The following TMEM168 variants were observed in gnomAD, a reference collection of about 807,000 sequenced individuals.
The protein encoded by TMEM168 is transmembrane protein 168.
In TMEM168, 40 loss-of-function variants were observed where a neutral mutation model predicts 53.2. The ratio of observed to expected loss-of-function variants is 0.75; its 90% CI spans 0.58 to 0.98. The LOEUF is 0.98. TMEM168 is among the 50% of genes least tolerant of loss of function. TMEM168 has a pLI of 0.00. For missense variants in TMEM168, 771 were observed against 828.8 expected (o/e 0.93, Z 0.86); for synonymous variants, 282 against 293.0 (o/e 0.96, Z 0.38).
chr7:112,773,089 C>T (rs1407910895), intron 3 of TMEM168, 34 bp from the exon 4 acceptor site: 1 of 1,550,270 alleles, frequency 6.5e-7, no homozygotes, highest in African/African-American at 1.4e-5. Flanking sequence ...AGTACTCATT[C>T]TATATCACAT....
In TMEM168 at chr7:112,767,570, G is replaced by GT; in HGVS notation, c.1720dup (p.Thr574AsnfsTer5). 6.2e-7 allele frequency: 1 copy of GT among 1,614,062 alleles called. No homozygotes were observed. The highest frequency in any genetic ancestry group is 8.5e-7 in the Non-Finnish European group (1 of 1,179,998). ...CGGGTCAGCTTCTTCAATATCTACT[G>GT]TTTTTATCAACTCTGCTCCTTGCAC... On this transcript the variant is annotated frameshift_variant, in exon 5 of 5. Transcript: ENST00000312814. LOFTEE classifies it high-confidence loss of function.
intron 2 of TMEM168, among the ~76,000 whole-genome samples, chr7:112,780,194 ATAAGT>A (rs1793191752): frequency 6.6e-6 from 1 of 152,244 alleles, no homozygotes; most frequent in African/African-American, 2.4e-5. Context: ...GTGTACACGA[ATAAGT>A]TAATTAACCT....
In TMEM168 at chr7:112,784,904, G is replaced by A. The variant is rs924588990; in HGVS notation, c.-79C>T. On this transcript the variant is annotated 5_prime_UTR_variant, in exon 2 of 5. Coordinates refer to ENST00000312814, the MANE Select transcript of TMEM168 (RefSeq NM_022484.6). ...TTCATCCAGTATATCCAATGTATCC[G>A]CAACTCCTATTTCAACATTTTCTCT... The A allele has an allele frequency of 1.4e-5, 17 of 1,245,284 alleles. No homozygotes were observed. The highest frequency in any genetic ancestry group is 7.6e-5 in the African/African-American group (5 of 65,612). 77.1% of individuals were successfully genotyped at this position (1,245,284 alleles called of 1,614,324 possible). A position where few individuals can be genotyped will look rare whatever the true frequency, so the allele number is the denominator to read the frequency against.
At position 112,787,579 on chromosome 7, in the gene TMEM168, T is replaced by A. The variant is rs182788293; in HGVS notation, c.-129+2581A>T. Among the ~76,000 whole-genome samples the A allele has an allele frequency of 7.4e-3, 1,118 of 152,006 alleles. 11 individuals are homozygous for A. The highest frequency in any genetic ancestry group is 0.026 in the African/African-American group (1,082 of 41,434). On this transcript the variant is annotated intron_variant, in intron 1 of 4. Coordinates refer to ENST00000312814, the MANE Select transcript of TMEM168 (RefSeq NM_022484.6). Reference sequence around the variant, plus strand: ...ACAGGCGCCCATCGCCATGCCCAGTTAATTTTTGTATTTTTAGTAGAGACG... The same window carrying A: ...ACAGGCGCCCATCGCCATGCCCAGTAAATTTTTGTATTTTTAGTAGAGACG...
chr7:112,783,727 T>A lies in TMEM168; in HGVS notation c.1099A>T (p.Thr367Ser), dbSNP rs1284264298. ...CAGGAAACTGCTCCCAAAATCGCTG[T>A]TGCAAGAAGACTAAAGAACACCAAC... is the stretch of plus-strand genomic sequence containing the variant. ...EQLVFFSLLA[T>S]AILGAVSWQP... is the part of the protein sequence containing the mutation. Residue 367 changes from threonine (T) to serine (S), a missense_variant, in exon 2 of 5, where the codon ACA (threonine) becomes TCA (serine). By Grantham distance (58) the Thr-to-Ser change is moderately conservative. Transcript: ENST00000312814. 20 of 1,520,622 alleles carry A rather than the reference T, an allele frequency of 1.3e-5. No individual in the cohort carries two copies. Among genetic ancestry groups the A allele is most frequent in the Non-Finnish European group, 1.8e-5 (20 of 1,136,562 alleles). The allele number at this position is 1,520,622 out of a possible 1,614,324, so 94.2% of individuals were successfully genotyped here. A position where few individuals can be genotyped will look rare whatever the true frequency, so the allele number is the denominator to read the frequency against.
chr7:112,782,302 A>C (rs1328239231), intron 2 of TMEM168, among the ~76,000 whole-genome samples: 1 of 152,194 alleles, frequency 6.6e-6, no homozygotes, highest in Non-Finnish European at 1.5e-5. Flanking sequence ...GTGTACCTCC[A>C]GTGGTACACA....
rs772618378 is a variant in TMEM168, at chr7:112,784,386, A to C, written c.440T>G (p.Val147Gly). The change falls in exon 2 of 5, where the codon GTC becomes GGC. Residue 147 changes from valine (V) to glycine (G), a missense_variant. Transcript: ENST00000312814. ...CSLVERISGY[V>G]RHRPTLLTTV... The stretch of plus-strand genomic sequence containing the variant: ...GGTTAGTAAAGTGGGCCGATGACGG[A>C]CATAACCAGAAATTCTCTCCACCAG... The C allele has an allele frequency of 6.2e-7, 1 of 1,614,182 alleles. No homozygotes were observed. The highest frequency in any genetic ancestry group is 8.5e-7 in the Non-Finnish European group (1 of 1,180,016).
chr7:112,784,804 A>T lies in TMEM168; in HGVS notation c.22T>A (p.Cys8Ser). MCKSLRY[C>S]FSHCLYLAMT... Reference sequence around the variant, plus strand: ...GCTAAATAGAGACAATGACTAAAGCAATAACGCAGTGATTTACACATGTAA... The same window carrying T: ...GCTAAATAGAGACAATGACTAAAGCTATAACGCAGTGATTTACACATGTAA... The change falls in exon 2 of 5, where the codon TGC (cysteine) becomes AGC (serine). Residue 8 changes from cysteine (C) to serine (S), a missense_variant. Cys to Ser is a moderately radical substitution (Grantham distance 112, BLOSUM62 -1). Coordinates refer to ENST00000312814, the MANE Select transcript of TMEM168 (RefSeq NM_022484.6). 1 of 1,594,848 alleles carries T rather than the reference A, an allele frequency of 6.3e-7. No individual in the cohort carries two copies. The highest frequency in any genetic ancestry group is 8.5e-7 in the Non-Finnish European group (1 of 1,174,436).
chr7:112,781,909 T>C (rs1170609900), intron 2 of TMEM168, among the ~76,000 whole-genome samples: 1 of 152,154 alleles, frequency 6.6e-6, no homozygotes, highest in African/African-American at 2.4e-5. Flanking sequence ...ACCTTTACTC[T>C]TGAAAACTCT....
chr7:112,779,494 A>G (rs1793174990), intron 2 of TMEM168, among the ~76,000 whole-genome samples: 1 of 152,184 alleles, frequency 6.6e-6, no homozygotes, highest in African/African-American at 2.4e-5. Context: ...GTGACTTTGG[A>G]GTACTCCTTA....
Position 112,764,062 on chromosome 7 carries a change from C to G in TMEM168, c.*3135G>C, listed in dbSNP as rs1470414831. 6.6e-6 allele frequency: 1 copy of G among 151,754 alleles called. No homozygotes were observed. Among genetic ancestry groups the G allele is most frequent in the Non-Finnish European group, 1.5e-5 (1 of 67,934 alleles). 9.4% of individuals were successfully genotyped at this position (151,754 alleles called of 1,614,324 possible). A position where few individuals can be genotyped will look rare whatever the true frequency, so the allele number is the denominator to read the frequency against. On this transcript the variant is annotated 3_prime_UTR_variant, in exon 5 of 5. Coordinates refer to ENST00000312814, the MANE Select transcript of TMEM168 (RefSeq NM_022484.6). The stretch of plus-strand genomic sequence containing the variant: ...AGTCATGGGGAGAGAAAGAACTTGG[C>G]TCCTTATTTATTTTGCAACAGTGTG...
In TMEM168 at chr7:112,764,866, G is replaced by C. The variant is rs1310467267; in HGVS notation, c.*2331C>G. On this transcript the variant is annotated 3_prime_UTR_variant, in exon 5 of 5. Transcript: ENST00000312814. Reference sequence around the variant, plus strand: ...GCTCTGTCGCCCAGGCTGGAGTGCAGTGGCACAATCTCAGCTCACTGCAAC... The same window carrying C: ...GCTCTGTCGCCCAGGCTGGAGTGCACTGGCACAATCTCAGCTCACTGCAAC... The C allele has an allele frequency of 6.7e-6, 1 of 149,744 alleles. No individual in the cohort carries two copies. Among genetic ancestry groups the C allele is most frequent in the Non-Finnish European group, 1.5e-5 (1 of 67,948 alleles). The allele number at this position is 149,744 out of a possible 1,614,324, so 9.3% of individuals were successfully genotyped here.
At chr7:112,776,236 C>T (rs1311305685) in intron 2 of TMEM168, among the ~76,000 whole-genome samples, 1 of 151,328 alleles carries the variant, frequency 6.6e-6, no homozygotes, top group African/African-American at 2.4e-5. Context: ...CAAAATTTAA[C>T]AGAAGAAAAT....
chr7:112,767,359 A>G lies in TMEM168; in HGVS notation c.1932T>C (p.Pro644=). ...AATGCACTAGGGGATATGTAATACG[A>G]GGAAAGTGTAACATCCAGTGCTTGG... The part of the protein sequence containing the change: ...DVAKHWMLHF[P]RITYPLVHLA... Residue 644 remains proline, a synonymous_variant, in exon 5 of 5, where the codon CCT becomes CCC. Transcript: ENST00000312814. 6.2e-7 allele frequency: 1 copy of G among 1,614,230 alleles called. No homozygotes were observed.
intron 2 of TMEM168, among the ~76,000 whole-genome samples, chr7:112,777,220 T>C (rs1013103095): frequency 6.6e-6 from 1 of 152,182 alleles, no homozygotes; most frequent in Non-Finnish European, 1.5e-5. Flanking sequence ...AAGAAGATAT[T>C]TTAACATTAT....
chr7:112,767,790 C>T, intron 4 of TMEM168, 46 bp from the exon 5 acceptor site: 1 of 1,511,278 alleles, frequency 6.6e-7, no homozygotes. Flanking sequence ...TCTGCAGCCT[C>T]TCATTAAGAA....
Position 112,763,438 on chromosome 7 carries a change from G to A in TMEM168, c.*3759C>T, listed in dbSNP as rs1376307403. 6.6e-6 allele frequency: 1 copy of A among 151,994 alleles called. No homozygotes were observed. Among genetic ancestry groups the A allele is most frequent in the East Asian group, 1.9e-4 (1 of 5,180 alleles). The allele number at this position is 151,994 out of a possible 1,614,324, so 9.4% of individuals were successfully genotyped here. ...ATTAAATGCTTCTCATTACGGACAA[G>A]GCACTCTTCTCGGTAACTGTGTACC... is the stretch of plus-strand genomic sequence containing the variant. On this transcript the variant is annotated 3_prime_UTR_variant, in exon 5 of 5. Coordinates refer to ENST00000312814, the MANE Select transcript of TMEM168 (RefSeq NM_022484.6).
chr7:112,777,536 C>T (rs1390876781), intron 2 of TMEM168, among the ~76,000 whole-genome samples: 1 of 152,058 alleles, frequency 6.6e-6, no homozygotes, highest in Non-Finnish European at 1.5e-5. Flanking sequence ...CTTACCATAT[C>T]CTCTGAGTCT....
At chr7:112,788,923 T>G (rs1793464436) in intron 1 of TMEM168, among the ~76,000 whole-genome samples, 1 of 152,178 alleles carries the variant, frequency 6.6e-6, no homozygotes, top group South Asian at 2.1e-4. Flanking sequence ...AAACCAAAAT[T>G]TAGCACTCCA....
Sources: gnomAD v4.1 joint callset for allele counts (sites outside exome capture counted in the v4.1 genomes callset) on GRCh38, gnomAD v4.1.1 for gene constraint, MANE v1.5 for transcripts, NCBI Gene and HGNC (gene_info 2026-07-23, HGNC 2026-07-21) for gene names.